The following SMAP2 variants were observed in gnomAD, a reference collection of about 807,000 sequenced individuals.
SMAP2 encodes small ArfGAP2.
In SMAP2, 25 loss-of-function variants were observed where a neutral mutation model predicts 56.4. The ratio of observed to expected loss-of-function variants is 0.44; its 90% confidence interval spans 0.32 to 0.62. The LOEUF is 0.62. Among genes scored for constraint, SMAP2 ranks in the 20% least tolerant of loss-of-function variants. The pLI, the probability that SMAP2 is intolerant of heterozygous loss-of-function variation, is 0.04. For synonymous variants in SMAP2, 157 were observed against 181.7 expected (o/e 0.86, Z 1.09); for missense variants, 388 against 545.6 (o/e 0.71, Z 2.88).
At chr1:40,403,379 C>T (rs1644854914) in intron 1 of SMAP2, among the ~76,000 whole-genome samples, 2 of 152,186 alleles carry the variant, frequency 1.3e-5, no homozygotes, top group Admixed American at 1.3e-4. Flanking sequence ...GTAGCACGCG[C>T]CTATAGTCCC....
intron 9 of SMAP2, among the ~76,000 whole-genome samples, chr1:40,418,707 C>G (rs2124380368): frequency 6.6e-6 from 1 of 152,302 alleles, no homozygotes; most frequent in Middle Eastern, 3.4e-3. Flanking sequence ...AGGTTGACAT[C>G]AGACTTCCTA....
intron 2 of SMAP2, among the ~76,000 whole-genome samples, chr1:40,366,226 T>C (rs1270177947): frequency 6.6e-6 from 1 of 151,186 alleles, no homozygotes; most frequent in East Asian, 1.9e-4. Context: ...CTACATCTGA[T>C]TGGTGTACCT....
rs1222992828 is a variant in SMAP2 at position 40,386,370 on chromosome 1, A to G, written c.103+12147A>G. 6.6e-6 allele frequency among the ~76,000 whole-genome samples: 1 copy of G among 152,198 alleles called. No homozygotes were observed. Among genetic ancestry groups the G allele is most frequent in the Non-Finnish European group, 1.5e-5 (1 of 68,034 alleles). ...AGAGGAACCGTTACAGATGGAGGAG[A>G]AACTTGAGGAAAGGTCTTTCCTGTA... On this transcript the variant is annotated intron_variant, in intron 1 of 9. Coordinates refer to ENST00000372718, the MANE Select transcript of SMAP2 (RefSeq NM_022733.3). The surrounding 1 kb of genome is among the most constrained non-coding windows in gnomAD (Gnocchi z 4.1).
chr1:40,409,069 C>G (rs1644911501), intron 3 of SMAP2, among the ~76,000 whole-genome samples: 3 of 152,174 alleles, frequency 2.0e-5, no homozygotes, highest in Non-Finnish European at 2.9e-5. Flanking sequence ...TCATTGTGCT[C>G]TGTTAACCCT....
chr1:40,417,701 G>A (rs1432378054), intron 9 of SMAP2, among the ~76,000 whole-genome samples: 1 of 152,156 alleles, frequency 6.6e-6, no homozygotes, highest in South Asian at 2.1e-4. Context: ...CCTTGGGAAA[G>A]CATTGCTTCT....
chr1:40,416,302 T>A lies in SMAP2; in HGVS notation c.808T>A (p.Ser270Thr). Residue 270 changes from serine to threonine, a missense_variant, in exon 8 of 10, where the codon TCA becomes ACA. Physicochemically the swap from Ser to Thr is moderately conservative, Grantham distance 58. Coordinates refer to ENST00000372718, the MANE Select transcript of SMAP2 (RefSeq NM_022733.3). ...KKQLSKDSIL[S>T]LYGSQTPQMP... Reference sequence around the variant, plus strand: ...ACAGCTCTCTAAAGACTCCATTCTTTCACTGTATGGATCCCAGACGCCTCA... The same window carrying A: ...ACAGCTCTCTAAAGACTCCATTCTTACACTGTATGGATCCCAGACGCCTCA... 6.2e-7 allele frequency: 1 copy of A among 1,614,130 alleles called. No individual in the cohort carries two copies. The highest frequency in any genetic ancestry group is 8.5e-7 in the Non-Finnish European group (1 of 1,180,026).
At position 40,417,075 on chromosome 1, in the gene SMAP2, G is replaced by C; in HGVS notation, c.1143G>C (p.Gln381His). 2 of 1,603,184 alleles carry C rather than the reference G, an allele frequency of 1.2e-6. No homozygotes were observed. Among genetic ancestry groups the C allele is most frequent in the Non-Finnish European group, 1.7e-6 (2 of 1,170,852 alleles). ...TGTATGGGGTCCAGCCAGCTCAGCA[G>C]CTGCAATGGAACCTTACTCAGGTAA... ...QTVYGVQPAQ[Q>H]LQWNLTQMTQ... The change falls in exon 9 of 10, where the codon CAG becomes CAC. Residue 381 changes from glutamine (Q) to histidine (H), a missense_variant. Coordinates refer to ENST00000372718, the MANE Select transcript of SMAP2 (RefSeq NM_022733.3).
At chr1:40,413,765 A>G (rs1166047547) in intron 5 of SMAP2, among the ~76,000 whole-genome samples, 1 of 152,202 alleles carries the variant, frequency 6.6e-6, no homozygotes, top group Non-Finnish European at 1.5e-5. Flanking sequence ...TTGGTGTTAA[A>G]GTAAAAGGTT....
chr1:40,408,757 C>T lies in SMAP2; in HGVS notation c.323+19C>T, dbSNP rs370648233. 2 of 1,597,798 alleles carry T rather than the reference C, an allele frequency of 1.3e-6. No homozygotes were observed. The highest frequency in any genetic ancestry group is 1.7e-6 in the Non-Finnish European group (2 of 1,165,284). On this transcript the variant is annotated intron_variant, in intron 3 of 9. Transcript: ENST00000372718. The surrounding 1 kb of genome is among the most constrained non-coding windows in gnomAD (Gnocchi z 4.3). ...TAGACCCGTATCTTTTCTGGAGCAA[C>T]TTAGAAGGCTGAGTGGTATTTTGAT...
chr1:40,419,276 CT>C (rs1333050227), intron 9 of SMAP2, among the ~76,000 whole-genome samples: 9 of 120,426 alleles, frequency 7.5e-5, no homozygotes, highest in African/African-American at 1.3e-4. Flanking sequence ...AATTTTCTTC[CT>C]TTCTTTTTTT....
chr1:40,419,468 A>G (rs1476903467), intron 9 of SMAP2, among the ~76,000 whole-genome samples: 1 of 151,938 alleles, frequency 6.6e-6, no homozygotes, highest in Non-Finnish European at 1.5e-5. Context: ...ATTTTTTAGT[A>G]GAGACGGGGT....
intron 1 of SMAP2, among the ~76,000 whole-genome samples, chr1:40,352,431 G>A (rs528216163): frequency 3.3e-5 from 5 of 151,994 alleles, no homozygotes; most frequent in Middle Eastern, 3.4e-3. Flanking sequence ...TTGATTGCTC[G>A]GAAAAGAACT....
chr1:40,355,848 G>A (rs1464703390), intron 1 of SMAP2, among the ~76,000 whole-genome samples: 2 of 146,556 alleles, frequency 1.4e-5, no homozygotes, highest in Non-Finnish European at 1.5e-5. Flanking sequence ...GGGCTCAAAC[G>A]ACCCACCTGC....
At chr1:40,411,019 C>T (rs934011011) in intron 4 of SMAP2, among the ~76,000 whole-genome samples, 1 of 152,138 alleles carries the variant, frequency 6.6e-6, no homozygotes. Flanking sequence ...CACTGAGCTC[C>T]AAGCCCTTCT....
intron 1 of SMAP2, among the ~76,000 whole-genome samples, chr1:40,347,871 C>G (rs539950436): frequency 1.4e-4 from 22 of 151,858 alleles, no homozygotes; most frequent in Admixed American, 1.3e-3. Context: ...GTGTGTGTGT[C>G]TGTGTGTGAG....
At chr1:40,353,635 G>T (rs1383729878) in intron 1 of SMAP2, among the ~76,000 whole-genome samples, 1 of 152,196 alleles carries the variant, frequency 6.6e-6, no homozygotes, top group Admixed American at 6.5e-5. Context: ...CTCCCAAAGT[G>T]CTGGGATTAC....
chr1:40,361,854 G>A (rs1343427323), intron 1 of SMAP2, among the ~76,000 whole-genome samples: 22 of 152,130 alleles, frequency 1.4e-4, no homozygotes, highest in Admixed American at 1.3e-3. Context: ...TCTGACTCCC[G>A]GCTTGATTGT....
chr1:40,421,368 C>T (rs902398995), intron 9 of SMAP2, among the ~76,000 whole-genome samples: 10 of 152,100 alleles, frequency 6.6e-5, no homozygotes, highest in African/African-American at 2.2e-4. Context: ...GAAGGACCCC[C>T]GCCCCATCCT....
Position 40,385,455 on chromosome 1 carries a change from G to T in SMAP2, c.103+11232G>T, listed in dbSNP as rs190094284. ...CATTTCAGGTCAAAGCTTCCAAAAA[G>T]AAATTTCTTAATCTGAAACAATGAG... On this transcript the variant is annotated intron_variant, in intron 1 of 9. Transcript: ENST00000372718. The surrounding 1 kb of genome is among the most constrained non-coding windows in gnomAD (Gnocchi z 4.5). Among the ~76,000 whole-genome samples the T allele has an allele frequency of 2.0e-3, 312 of 152,222 alleles. 1 individual carries two copies. The highest frequency in any genetic ancestry group is 7.0e-3 in the African/African-American group (292 of 41,518).
Sources: allele counts gnomAD v4.1 joint callset (sites outside exome capture counted in the v4.1 genomes callset), GRCh38; gene constraint gnomAD v4.1.1; non-coding constraint Gnocchi (gnomAD v3.1); transcripts MANE v1.5; gene names NCBI Gene and HGNC (gene_info 2026-07-23, HGNC 2026-07-21).